Variants in DIP2A observed in about 807,000 individuals in gnomAD.
DIP2A encodes the protein disco-interacting protein 2 homolog A.
DIP2A carries 85 observed loss-of-function variants against 177.4 expected under a neutral mutation model. That is an observed-to-expected ratio of 0.48 (90% CI 0.40 to 0.57). The LOEUF is 0.57. Among genes scored for constraint, DIP2A ranks in the 20% least tolerant of loss-of-function variants. The probability of loss-of-function intolerance (pLI) is 0.00; values close to 1 mark genes in which losing one functional copy is unlikely to be tolerated. For missense variants in DIP2A, 1,791 were observed against 2,100.2 expected, an observed-to-expected ratio of 0.85 and a Z score of 2.88; for synonymous variants, 886 against 881.8, an observed-to-expected ratio of 1.00 and a Z score of -0.08.
Position 46,549,899 on chromosome 21 carries a change from C to T in DIP2A, c.2637+14C>T. The T allele has an allele frequency of 1.2e-6, 2 of 1,608,814 alleles. No homozygotes were observed. The highest frequency in any genetic ancestry group is 1.7e-6 in the Non-Finnish European group (2 of 1,179,822). On this transcript the variant is annotated intron_variant, in intron 22 of 37. Coordinates refer to ENST00000417564, the MANE Select transcript of DIP2A (RefSeq NM_015151.4). The stretch of plus-strand genomic sequence containing the variant: ...CGTGTGCTGCAGGTGGGCGCCCCGG[C>T]ACGGCCTATGGTTCGGTGAATCTCC...
chr21:46,561,660 T>G (rs1266261783), intron 33 of DIP2A, 88 bp from the exon 34 acceptor site: 1 of 1,490,308 alleles, frequency 6.7e-7, no homozygotes, highest in Non-Finnish European at 9.4e-7. Flanking sequence ...ACCCTCAGAG[T>G]GATCATTTCC....
At chr21:46,494,229 G>A (rs1657374103) in intron 3 of DIP2A, among the ~76,000 whole-genome samples, 1 of 152,122 alleles carries the variant, frequency 6.6e-6, no homozygotes, top group African/African-American at 2.4e-5. Context: ...CATTGCAGTT[G>A]GTTGGTAAGT....
Position 46,538,568 on chromosome 21 carries a change from G to A in DIP2A, c.1887G>A (p.Leu629=), listed in dbSNP as rs1317588304. 28 of 1,562,596 alleles carry A rather than the reference G, an allele frequency of 1.8e-5. No homozygotes were observed. The highest frequency in any genetic ancestry group is 2.2e-5 in the Non-Finnish European group (25 of 1,155,498). ...RGQRDVSLSS[L]RMLIVADGAN... is the part of the protein sequence containing the mutation. Reference sequence around the variant, plus strand: ...AGAGGGACGTCAGCCTCAGCTCACTGCGCATGCTGATTGTGGCCGATGGTG... The same window carrying A: ...AGAGGGACGTCAGCCTCAGCTCACTACGCATGCTGATTGTGGCCGATGGTG... Residue 629 remains leucine (L), a synonymous_variant, in exon 16 of 38, where the codon CTG becomes CTA. Transcript: ENST00000417564.
At position 46,538,633 on chromosome 21, in the gene DIP2A, C is replaced by T; in HGVS notation, c.1921+31C>T. 1.9e-6 allele frequency: 3 copies of T among 1,542,610 alleles called. No homozygotes were observed. The South Asian group carries it at 3.6e-5, about 18-fold the overall frequency. Reference sequence around the variant, plus strand: ...TGAGCCTGTGTGCCCGGCGCATACCCCACACAGTGTCCCCTCCTGCAAACC... The same window carrying T: ...TGAGCCTGTGTGCCCGGCGCATACCTCACACAGTGTCCCCTCCTGCAAACC... On this transcript the variant is annotated intron_variant, in intron 16 of 37. Transcript: ENST00000417564.
rs888271111 is a variant in DIP2A, at chr21:46,498,292, C to T, written c.404-290C>T. Among the ~76,000 whole-genome samples the T allele has an allele frequency of 6.6e-6, 1 of 152,144 alleles. No individual in the cohort carries two copies. The highest frequency in any genetic ancestry group is 1.5e-5 in the Non-Finnish European group (1 of 68,042). Reference sequence around the variant, plus strand: ...CCCCCACTGAGGTATATGCTGAAGCCGTTTAGGAGATCAGAGGCTGTCTTC... The same window carrying T: ...CCCCCACTGAGGTATATGCTGAAGCTGTTTAGGAGATCAGAGGCTGTCTTC... On this transcript the variant is annotated intron_variant, in intron 4 of 37. Coordinates refer to ENST00000417564, the MANE Select transcript of DIP2A (RefSeq NM_015151.4). The surrounding 1 kb of genome is among the most constrained non-coding windows in gnomAD (Gnocchi z 4.3).
intron 1 of DIP2A, among the ~76,000 whole-genome samples, chr21:46,468,458 ACACAAGCC>A (rs2055056374): frequency 6.6e-6 from 1 of 151,692 alleles, no homozygotes; most frequent in Non-Finnish European, 1.5e-5. Flanking sequence ...AACAAATCCT[ACACAAGCC>A]CACTTGTGTC....
At position 46,524,872 on chromosome 21, in the gene DIP2A, C is replaced by CTTTTTT. The variant is rs3061062; in HGVS notation, c.1103-4193_1103-4188dup. The stretch of plus-strand genomic sequence containing the variant: ...TTTCTTTTATGATTTTTGCTTTTTG[C>CTTTTTT]TTTTTTTTTTTTTTTTTTTTTTTTT... On this transcript the variant is annotated intron_variant, in intron 8 of 37. Transcript: ENST00000417564. 1.8e-3 allele frequency among the ~76,000 whole-genome samples: 117 copies of CTTTTTT among 63,330 alleles called. 4 individuals are homozygous for CTTTTTT. The highest frequency in any genetic ancestry group is 2.4e-3 in the Non-Finnish European group (85 of 35,330). 41.5% of individuals were successfully genotyped at this position (63,330 alleles called of 152,430 possible). A position where few individuals can be genotyped will look rare whatever the true frequency, so the allele number is the denominator to read the frequency against.
chr21:46,515,727 G>A (rs62225684), intron 8 of DIP2A, among the ~76,000 whole-genome samples: 3 of 145,456 alleles, frequency 2.1e-5, no homozygotes, highest in Non-Finnish European at 4.6e-5. Flanking sequence ...TAGTGTAGTC[G>A]AGGTCTCGCC....
chr21:46,506,745 T>TTTCTTTCC (rs2058016052), intron 6 of DIP2A, among the ~76,000 whole-genome samples: 1 of 85,248 alleles, frequency 1.2e-5, no homozygotes, highest in Non-Finnish European at 2.9e-5. Flanking sequence ...TCTTTCTTTC[T>TTTCTTTCC]TTCTTTCTTT....
At position 46,557,394 on chromosome 21, in the gene DIP2A, A is replaced by C. The variant is rs2060505619; in HGVS notation, c.3630-191A>C. 9.6e-6 allele frequency: 7 copies of C among 731,298 alleles called. No individual in the cohort carries two copies. The highest frequency in any genetic ancestry group is 1.3e-5 in the Non-Finnish European group (6 of 457,654). The allele number at this position is 731,298 out of a possible 1,614,324, so 45.3% of individuals were successfully genotyped here. ...TCTCCAAGTGTTCGGAGCAGAGCTC[A>C]GAACCCCGTGCCTGCCATCCCCCAA... On this transcript the variant is annotated intron_variant, in intron 30 of 37. Coordinates refer to ENST00000417564, the MANE Select transcript of DIP2A (RefSeq NM_015151.4). This position sits in a 1 kb window ranked among gnomAD's most constrained non-coding sequence, Gnocchi z 6.0.
At chr21:46,506,028 A>C (rs1233831802) in intron 6 of DIP2A, among the ~76,000 whole-genome samples, 1 of 152,246 alleles carries the variant, frequency 6.6e-6, no homozygotes, top group African/African-American at 2.4e-5. Context: ...ATGAATAATC[A>C]ATCTTGTATA....
At chr21:46,566,311 G>T (rs1367696245) in intron 36 of DIP2A, among the ~76,000 whole-genome samples, 8 of 152,194 alleles carry the variant, frequency 5.3e-5, no homozygotes, top group Non-Finnish European at 1.5e-5. Flanking sequence ...CCCGTTCACA[G>T]AGATAAGTTA....
At chr21:46,517,416 A>G (rs1297438527) in intron 8 of DIP2A, among the ~76,000 whole-genome samples, 1 of 151,994 alleles carries the variant, frequency 6.6e-6, no homozygotes, top group Non-Finnish European at 1.5e-5. Context: ...TAAAAACATT[A>G]TGGCAGGTCC....
chr21:46,496,325 T>C (rs1217860121), intron 3 of DIP2A, among the ~76,000 whole-genome samples: 1 of 152,210 alleles, frequency 6.6e-6, no homozygotes, highest in Non-Finnish European at 1.5e-5. Flanking sequence ...AGAATCTATA[T>C]GACAATGCCT....
At chr21:46,462,689 A>T (rs1243456549) in intron 1 of DIP2A, 5 of 151,314 alleles carry the variant, frequency 3.3e-5, no homozygotes, top group Non-Finnish European at 7.4e-5. Flanking sequence ...CTAAAACTTA[A>T]GAGTTGTCAC....
chr21:46,512,449 C>T (rs1182901224), intron 8 of DIP2A, among the ~76,000 whole-genome samples: 1 of 152,140 alleles, frequency 6.6e-6, no homozygotes, highest in Non-Finnish European at 1.5e-5. Context: ...TCTTTTCTCA[C>T]CAGCTTTTGA....
intron 3 of DIP2A, among the ~76,000 whole-genome samples, chr21:46,495,897 C>G (rs2148512350): frequency 6.6e-6 from 1 of 152,080 alleles, no homozygotes; most frequent in East Asian, 2.0e-4. Flanking sequence ...CATAGTGAAA[C>G]CCCATCTGTA....
chr21:46,565,669 G>A (rs759732592), intron 35 of DIP2A, 44 bp from the exon 36 acceptor site: 131 of 1,564,244 alleles, frequency 8.4e-5, no homozygotes, highest in Non-Finnish European at 9.3e-5. Context: ...ATCTGAACTC[G>A]GTGGTTGGTA....
At chr21:46,546,519 C>A (rs117974790) in intron 20 of DIP2A, among the ~76,000 whole-genome samples, 6,555 of 152,286 alleles carry the variant, frequency 0.043, 175 homozygotes, top group Non-Finnish European at 0.059. Flanking sequence ...CCAGAAGGTC[C>A]CTGGTGCCGG....
Sources: allele counts gnomAD v4.1 joint callset (sites outside exome capture counted in the v4.1 genomes callset), GRCh38; gene constraint gnomAD v4.1.1; non-coding constraint Gnocchi (gnomAD v3.1); transcripts MANE v1.5; gene names NCBI Gene and HGNC (gene_info 2026-07-23, HGNC 2026-07-21).